GRM7: variants seen among roughly 807,000 people sequenced by gnomAD.
The protein encoded by GRM7 is metabotropic glutamate receptor 7.
GRM7 carries 35 observed loss-of-function variants against 84.5 expected under a neutral mutation model. The ratio of observed to expected loss-of-function variants is 0.41; its 90% confidence interval spans 0.32 to 0.55. GRM7 has a LOEUF of 0.55. Among genes scored for constraint, GRM7 ranks in the 20% least tolerant of loss-of-function variants. GRM7 has a pLI of 0.19. For missense variants in GRM7, 1,003 were observed against 1,194.6 expected, an observed-to-expected ratio of 0.84 and a Z score of 2.36; for synonymous variants, 487 against 455.1, an observed-to-expected ratio of 1.07 and a Z score of -0.89.
intron 1 of GRM7, among the ~76,000 whole-genome samples, chr3:7,041,117 T>G (rs911625425): frequency 2.6e-5 from 4 of 151,230 alleles, no homozygotes; most frequent in Admixed American, 2.0e-4. Context: ...GGTGATTGCA[T>G]GTTAAAAATT....
chr3:7,008,914 T>C (rs1308792775), intron 1 of GRM7, among the ~76,000 whole-genome samples: 2 of 152,208 alleles, frequency 1.3e-5, no homozygotes, highest in African/African-American at 4.8e-5. Context: ...ACTATTTTTT[T>C]TAATCTGGAA....
chr3:7,619,123 T>C (rs753806035), intron 8 of GRM7, among the ~76,000 whole-genome samples: 3 of 152,100 alleles, frequency 2.0e-5, no homozygotes, highest in African/African-American at 7.2e-5. Context: ...ACTAGACTTA[T>C]TTTAGTCGGC....
chr3:7,274,877 TC>T (rs1698995416), intron 2 of GRM7, among the ~76,000 whole-genome samples: 1 of 152,058 alleles, frequency 6.6e-6, no homozygotes, highest in South Asian at 2.1e-4. Flanking sequence ...TTCAAATATT[TC>T]TTGTGTTCCT....
At chr3:7,709,567 G>T (rs531313994) in intron 9 of GRM7, among the ~76,000 whole-genome samples, 1 of 152,140 alleles carries the variant, frequency 6.6e-6, no homozygotes, top group South Asian at 2.1e-4. Context: ...GTGGCTCAGT[G>T]GGCTCCTCCT....
intron 4 of GRM7, among the ~76,000 whole-genome samples, chr3:7,356,885 T>C (rs1693430164): frequency 6.8e-6 from 1 of 147,850 alleles, no homozygotes; most frequent in South Asian, 2.1e-4. Context: ...TCCTCCAGCT[T>C]GTAGACAGCC....
At chr3:6,946,047 G>A (rs1168051019) in intron 1 of GRM7, among the ~76,000 whole-genome samples, 1 of 152,164 alleles carries the variant, frequency 6.6e-6, no homozygotes, top group Non-Finnish European at 1.5e-5. Flanking sequence ...TTGCTGTGCA[G>A]AAGCTCTTTA....
intron 4 of GRM7, among the ~76,000 whole-genome samples, chr3:7,405,956 GAATATTATATATGT>G (rs1284858537): frequency 6.6e-6 from 1 of 151,400 alleles, no homozygotes; most frequent in African/African-American, 2.4e-5. Context: ...ATAATGTAGT[GAATATTATATATGT>G]AATATTATAT....
At chr3:7,116,494 C>T (rs930445789) in intron 1 of GRM7, among the ~76,000 whole-genome samples, 1 of 152,080 alleles carries the variant, frequency 6.6e-6, no homozygotes, top group Non-Finnish European at 1.5e-5. Context: ...GCTTCAGTCC[C>T]TCACCACAGT....
chr3:7,230,154 T>C (rs1697148171), intron 2 of GRM7, among the ~76,000 whole-genome samples: 1 of 152,010 alleles, frequency 6.6e-6, no homozygotes, highest in African/African-American at 2.4e-5. Context: ...CATCTTCCAG[T>C]TGAACTCTTA....
chr3:7,176,587 T>C (rs185332021), intron 2 of GRM7, among the ~76,000 whole-genome samples: 3 of 152,324 alleles, frequency 2.0e-5, no homozygotes, highest in African/African-American at 7.2e-5. Context: ...TTGGCATATA[T>C]TAAGTAATTT....
chr3:7,588,436 A>G (rs1266102640), intron 8 of GRM7, among the ~76,000 whole-genome samples: 1 of 152,200 alleles, frequency 6.6e-6, no homozygotes, highest in Non-Finnish European at 1.5e-5. Context: ...GGGTTTGGCC[A>G]TAAAGTTTTC....
intron 9 of GRM7, among the ~76,000 whole-genome samples, chr3:7,695,749 C>A (rs1359335373): frequency 1.3e-5 from 2 of 152,054 alleles, no homozygotes; most frequent in African/African-American, 2.4e-5. Context: ...CCGCATGGGG[C>A]AGTTATTAGG....
At chr3:7,385,289 ATTTTTTTTTT>A (rs574917994) in intron 4 of GRM7, among the ~76,000 whole-genome samples, 39 of 67,288 alleles carry the variant, frequency 5.8e-4, no homozygotes, top group Admixed American at 2.7e-3. Context: ...TTCTATATGG[ATTTTTTTTTT>A]TTTTTTTTTT....
chr3:7,565,909 C>T (rs1436755128), intron 7 of GRM7, among the ~76,000 whole-genome samples: 2 of 152,270 alleles, frequency 1.3e-5, no homozygotes, highest in Admixed American at 6.5e-5. Context: ...GTAAGTACTG[C>T]ACATATAGCT....
At chr3:7,376,268 C>G (rs1378369496) in intron 4 of GRM7, among the ~76,000 whole-genome samples, 1 of 152,160 alleles carries the variant, frequency 6.6e-6, no homozygotes, top group African/African-American at 2.4e-5. Context: ...TGCCTCTCCT[C>G]TCTGTATTCT....
At chr3:6,927,952 T>A (rs1029621372) in intron 1 of GRM7, among the ~76,000 whole-genome samples, 3 of 152,238 alleles carry the variant, frequency 2.0e-5, no homozygotes, top group Non-Finnish European at 4.4e-5. Context: ...TCTTCTGGTT[T>A]CACACTTAGA....
At chr3:6,899,666 A>G (rs2125001204) in intron 1 of GRM7, among the ~76,000 whole-genome samples, 1 of 152,330 alleles carries the variant, frequency 6.6e-6, no homozygotes, top group African/African-American at 2.4e-5. Flanking sequence ...GATGCCAGAG[A>G]AAAAGAAAAT....
At chr3:7,376,749 A>G (rs530667480) in intron 4 of GRM7, among the ~76,000 whole-genome samples, 3 of 143,656 alleles carry the variant, frequency 2.1e-5, no homozygotes, top group African/African-American at 5.0e-5. Context: ...AATATTTACT[A>G]TGTGGCTCTT....
chr3:7,304,352 C>CTT (rs147256322), intron 3 of GRM7, among the ~76,000 whole-genome samples: 11 of 115,898 alleles, frequency 9.5e-5, no homozygotes, highest in Middle Eastern at 4.6e-3. Flanking sequence ...AATATCATTT[C>CTT]TTTTTTTTTT....
Sources: gnomAD v4.1 joint callset for allele counts (sites outside exome capture counted in the v4.1 genomes callset) on GRCh38, gnomAD v4.1.1 for gene constraint, MANE v1.5 for transcripts, NCBI Gene and HGNC (gene_info 2026-07-23, HGNC 2026-07-21) for gene names.